Variants in RAI14 observed in about 807,000 individuals in gnomAD.
The protein encoded by RAI14 is ankycorbin.
Under a neutral mutation model 115.4 loss-of-function variants are expected in RAI14, and 45 were observed. The observed-to-expected ratio is 0.39, with a 90% confidence interval of 0.31 to 0.50. The LOEUF (loss-of-function observed/expected upper bound fraction) is 0.50. Among genes scored for constraint, RAI14 ranks in the 20% least tolerant of loss-of-function variants. RAI14 has a pLI of 0.85. For missense variants in RAI14, 939 were observed against 1,131.2 expected, an observed-to-expected ratio of 0.83 and a Z score of 2.44; for synonymous variants, 371 against 415.4, an observed-to-expected ratio of 0.89 and a Z score of 1.30.
chr5:34,830,724 C>G lies in RAI14; in HGVS notation c.2902C>G (p.Gln968Glu), dbSNP rs1291957118. Residue 968 changes from glutamine to glutamate, a missense_variant, in exon 18 of 18, where the codon CAA becomes GAA. By Grantham distance (29) the Gln-to-Glu change is conservative. Transcript: ENST00000265109. ...TGAAGATGTCCAGAAAGTACTGAAG[C>G]AAATCCTTACCATGTGTAAAAACCA... Reference protein sequence around the residue: ...MDEDVQKVLKQILTMCKNQSQ... With the variant: ...MDEDVQKVLKEILTMCKNQSQ... 5 of 1,614,170 alleles carry G rather than the reference C, an allele frequency of 3.1e-6. No homozygotes were observed. Among genetic ancestry groups the G allele is most frequent in the Non-Finnish European group, 4.2e-6 (5 of 1,180,012 alleles).
At chr5:34,799,988 G>A (rs1754072850) in intron 4 of RAI14, among the ~76,000 whole-genome samples, 2 of 152,102 alleles carry the variant, frequency 1.3e-5, no homozygotes, top group South Asian at 4.1e-4. Flanking sequence ...CGCCCGGCCA[G>A]CATTTTTTAA....
At chr5:34,772,088 CT>C (rs1432239886) in intron 3 of RAI14, among the ~76,000 whole-genome samples, 1 of 151,970 alleles carries the variant, frequency 6.6e-6, no homozygotes, top group African/African-American at 2.4e-5. Context: ...TATTTTTGTA[CT>C]TTTTGTAGAG....
intron 2 of RAI14, among the ~76,000 whole-genome samples, chr5:34,690,054 T>A (rs1738376293): frequency 6.6e-6 from 1 of 152,222 alleles, no homozygotes; most frequent in Non-Finnish European, 1.5e-5. Context: ...CAGTTGCTGC[T>A]GCCGAACAGG....
At chr5:34,720,550 A>G (rs1742564046) in intron 2 of RAI14, among the ~76,000 whole-genome samples, 1 of 151,726 alleles carries the variant, frequency 6.6e-6, no homozygotes, top group South Asian at 2.1e-4. Flanking sequence ...AGCTGGGACT[A>G]TAGGCGCCCG....
rs1312978510 is a variant in RAI14, at chr5:34,827,491, GTC to G, written c.2799+1016_2799+1017del. ...GTCCAGGGTTAGTCTGTCCTGGACT[GTC>G]TCTAGCTTCCATATACAAACAGAAC... On this transcript the variant is annotated intron_variant, in intron 16 of 17. Transcript: ENST00000265109. This position sits in a 1 kb window ranked among gnomAD's most constrained non-coding sequence, Gnocchi z 4.2. Among the ~76,000 whole-genome samples the G allele has an allele frequency of 6.6e-6, 1 of 152,144 alleles. No individual in the cohort carries two copies. The highest frequency in any genetic ancestry group is 2.4e-5 in the African/African-American group (1 of 41,428).
intron 3 of RAI14, among the ~76,000 whole-genome samples, chr5:34,781,006 G>T (rs1751546134): frequency 6.6e-6 from 1 of 152,050 alleles, no homozygotes; most frequent in Non-Finnish European, 1.5e-5. Context: ...TTAAGAAAAT[G>T]TGGCACATAT....
chr5:34,791,305 T>C lies in RAI14; in HGVS notation c.168-4634T>C, dbSNP rs954431410. 6.6e-6 allele frequency among the ~76,000 whole-genome samples: 1 copy of C among 152,168 alleles called. No homozygotes were observed. The highest frequency in any genetic ancestry group is 2.4e-5 in the African/African-American group (1 of 41,446). On this transcript the variant is annotated intron_variant, in intron 3 of 17. Coordinates refer to ENST00000265109, the MANE Select transcript of RAI14 (RefSeq NM_015577.3). This position sits in a 1 kb window ranked among gnomAD's most constrained non-coding sequence, Gnocchi z 5.4. ...TCTTACTAAAGTCATTTGTTTTTCT[T>C]ACCCGTGGAGAGGTGTATTCTTGAA...
At chr5:34,813,702 A>G (rs746614488) in intron 11 of RAI14, 42 bp downstream of exon 11, 1 of 1,484,328 alleles carries the variant, frequency 6.7e-7, no homozygotes, top group Non-Finnish European at 9.3e-7. Flanking sequence ...ACGCACCACA[A>G]GAAAGCCATA....
Position 34,681,585 on chromosome 5 carries a change from C to A in RAI14, c.-48-5287C>A, listed in dbSNP as rs923830929. On this transcript the variant is annotated intron_variant, in intron 1 of 17. Transcript: ENST00000265109. ...TCATGGCTCACTGTAGCCTTGAACT[C>A]CCAGGCTCAAGTGACCCTTCCACCT... 6.6e-5 allele frequency among the ~76,000 whole-genome samples: 10 copies of A among 152,252 alleles called. No individual in the cohort carries two copies. The South Asian group carries it at 8.3e-4, about 13-fold the overall frequency.
At chr5:34,685,474 A>G (rs1371679268) in intron 1 of RAI14, among the ~76,000 whole-genome samples, 3 of 152,152 alleles carry the variant, frequency 2.0e-5, no homozygotes, top group Non-Finnish European at 4.4e-5. Context: ...GAGGTGAGGG[A>G]TAAAAGACAA....
In RAI14 at chr5:34,823,696, G is replaced by C; in HGVS notation, c.1854G>C (p.Gln618His). Residue 618 changes from glutamine (Q) to histidine (H), a missense_variant, in exon 15 of 18, where the codon CAG becomes CAC. By Grantham distance (24) the Gln-to-His change is conservative (BLOSUM62 0). Coordinates refer to ENST00000265109, the MANE Select transcript of RAI14 (RefSeq NM_015577.3). This position sits in a 1 kb window ranked among gnomAD's most constrained non-coding sequence, Gnocchi z 4.5. ...IMKLKDTLKSQMTQEASDEAE... is the reference protein window; with the variant it reads ...IMKLKDTLKSHMTQEASDEAE... ...AATTAAAAGACACACTAAAAAGTCA[G>C]ATGACACAGGAAGCCAGTGATGAAG... The C allele has an allele frequency of 6.2e-7, 1 of 1,614,170 alleles. No homozygotes were observed. Among genetic ancestry groups the C allele is most frequent in the East Asian group, 2.2e-5 (1 of 44,890 alleles).
At position 34,704,094 on chromosome 5, in the gene RAI14, C is replaced by T. The variant is rs148170856; in HGVS notation, c.36+17139C>T. 1.5e-3 allele frequency among the ~76,000 whole-genome samples: 227 copies of T among 152,290 alleles called. 1 individual carries two copies. The highest frequency in any genetic ancestry group is 5.2e-3 in the African/African-American group (218 of 41,556). On this transcript the variant is annotated intron_variant, in intron 2 of 17. Coordinates refer to ENST00000265109, the MANE Select transcript of RAI14 (RefSeq NM_015577.3). ...CTGTGTTTCAAAAGCACCTTCCCAC[C>T]TTAGGGGATTCTGATGCAAATTGAA...
intron 2 of RAI14, among the ~76,000 whole-genome samples, chr5:34,721,664 T>C (rs1000719028): frequency 1.3e-5 from 2 of 152,190 alleles, no homozygotes; most frequent in African/African-American, 2.4e-5. Flanking sequence ...TGATTTCTTA[T>C]TTTCTCTGCC....
Position 34,663,167 on chromosome 5 carries a change from C to T in RAI14, c.-49+6692C>T, listed in dbSNP as rs1201091644. Among the ~76,000 whole-genome samples the T allele has an allele frequency of 4.6e-5, 7 of 152,138 alleles. No homozygotes were observed. In the South Asian group the frequency reaches 1.5e-3, roughly 32 times the overall value. ...CTACAATGAACAAAAAAATTAGCCT[C>T]GTCTTTGACATCAGGCCCACTGAGA... is the stretch of plus-strand genomic sequence containing the variant. On this transcript the variant is annotated intron_variant, in intron 1 of 17. Transcript: ENST00000265109.
At chr5:34,666,758 C>T (rs1248684206) in intron 1 of RAI14, among the ~76,000 whole-genome samples, 1 of 152,186 alleles carries the variant, frequency 6.6e-6, no homozygotes, top group African/African-American at 2.4e-5. Flanking sequence ...ACTTGAGCAC[C>T]TTCTCTGCCA....
In RAI14 at chr5:34,823,772, C is replaced by G; in HGVS notation, c.1930C>G (p.Gln644Glu). 1 of 1,614,170 alleles carries G rather than the reference C, an allele frequency of 6.2e-7. No homozygotes were observed. Among genetic ancestry groups the G allele is most frequent in the Non-Finnish European group, 8.5e-7 (1 of 1,180,026 alleles). Residue 644 changes from glutamine to glutamate, a missense_variant, in exon 15 of 18, where the codon CAG becomes GAG. Transcript: ENST00000265109. This position sits in a 1 kb window ranked among gnomAD's most constrained non-coding sequence, Gnocchi z 4.5. ...MNRMIDELNK[Q>E]VSELSQLYKE... ...TAGGATGATAGATGAACTCAATAAA[C>G]AGGTGAGCGAGCTGTCACAGCTGTA...
chr5:34,776,793 T>TGATACACTATCTCAA (rs1750898346), intron 3 of RAI14, among the ~76,000 whole-genome samples: 1 of 148,034 alleles, frequency 6.8e-6, no homozygotes, highest in African/African-American at 2.5e-5. Context: ...GGTGACAGAG[T>TGATACACTATCTCAA]GAGACCCTTT....
At chr5:34,793,051 G>C (rs1002047708) in intron 3 of RAI14, among the ~76,000 whole-genome samples, 2 of 152,184 alleles carry the variant, frequency 1.3e-5, no homozygotes, top group African/African-American at 4.8e-5. Context: ...CGTATGCAAT[G>C]AAGCTTTAAC....
intron 2 of RAI14, among the ~76,000 whole-genome samples, chr5:34,730,909 G>T (rs1744093614): frequency 6.6e-6 from 1 of 152,212 alleles, no homozygotes; most frequent in Non-Finnish European, 1.5e-5. Flanking sequence ...CTTGAACCTG[G>T]TAGGTGGAGG....
Sources: gnomAD v4.1 joint callset for allele counts (sites outside exome capture counted in the v4.1 genomes callset) on GRCh38, gnomAD v4.1.1 for gene constraint, Gnocchi (gnomAD v3.1) non-coding constraint, MANE v1.5 for transcripts, NCBI Gene and HGNC (gene_info 2026-07-23, HGNC 2026-07-21) for gene names.